The following UTRN variants were observed in gnomAD, a reference collection of about 807,000 sequenced individuals.
The protein encoded by UTRN is dystrophin-related protein 1.
UTRN carries 283 observed loss-of-function variants against 463.9 expected under a neutral mutation model. The observed-to-expected ratio is 0.61, with a 90% CI of 0.55 to 0.67. The LOEUF is 0.67. UTRN is among the 30% of genes least tolerant of loss of function. The pLI, the probability that UTRN is intolerant of heterozygous loss-of-function variation, is 0.00. For synonymous variants in UTRN, 1,442 were observed against 1,431.5 expected, an observed-to-expected ratio of 1.01 and a Z score of -0.17; for missense variants, 3,922 against 4,084.3, an observed-to-expected ratio of 0.96 and a Z score of 1.08.
At chr6:144,298,140 G>A (rs1804899658) in intron 2 of UTRN, among the ~76,000 whole-genome samples, 1 of 152,138 alleles carries the variant, frequency 6.6e-6, no homozygotes, top group Admixed American at 6.5e-5. Context: ...AAATTGTGTG[G>A]AGGCATAGAC....
chr6:144,834,759 A>C (rs890692532), intron 69 of UTRN, among the ~76,000 whole-genome samples: 9 of 152,302 alleles, frequency 5.9e-5, no homozygotes, highest in African/African-American at 2.2e-4. Flanking sequence ...TAACAGAAGA[A>C]GTCTCTAAGG....
chr6:144,514,793 G>T lies in UTRN; in HGVS notation c.5217G>T (p.Lys1739Asn). The change falls in exon 37 of 75, where the codon AAG (lysine) becomes AAT (asparagine). Residue 1739 changes from lysine (K) to asparagine (N), a missense_variant. Coordinates refer to ENST00000367545, the MANE Select transcript of UTRN (RefSeq NM_007124.3). ...KLAELNRNFE[K>N]VSQHIKSAKL... is the part of the protein sequence containing the mutation. ...CTGAGCTGAATAGGAACTTTGAAAA[G>T]GTGTCTCAACATATCAAAAGTGCCA... 6.2e-7 allele frequency: 1 copy of T among 1,613,810 alleles called. No homozygotes were observed. The highest frequency in any genetic ancestry group is 1.1e-5 in the South Asian group (1 of 91,000).
At position 144,755,658 on chromosome 6, in the gene UTRN, A is replaced by T. The variant is rs1036000202; in HGVS notation, c.8434+860A>T. On this transcript the variant is annotated intron_variant, in intron 57 of 74. Coordinates refer to ENST00000367545, the MANE Select transcript of UTRN (RefSeq NM_007124.3). The stretch of plus-strand genomic sequence containing the variant: ...AATAAATATTAATTCCTTTCCTTTC[A>T]TTTCCTTTAGCAAATATATGTAAGA... Among the ~76,000 whole-genome samples the T allele has an allele frequency of 2.0e-4, 31 of 152,068 alleles. 1 individual carries two copies. Among genetic ancestry groups the T allele is most frequent in the Non-Finnish European group, 4.0e-4 (27 of 68,004 alleles).
At chr6:144,459,460 T>C in intron 21 of UTRN, 106 bp downstream of exon 21, 4 of 1,258,752 alleles carry the variant, frequency 3.2e-6, no homozygotes, top group South Asian at 1.6e-5. Flanking sequence ...ACCAACCTTC[T>C]CCATTTTCCT....
At chr6:144,561,368 G>A (rs1446381834) in intron 50 of UTRN, among the ~76,000 whole-genome samples, 1 of 149,742 alleles carries the variant, frequency 6.7e-6, no homozygotes, top group Non-Finnish European at 1.5e-5. Context: ...ATAACTGTGT[G>A]TATAGACGTG....
At position 144,836,229 on chromosome 6, in the gene UTRN, A is replaced by C. The variant is rs868257814; in HGVS notation, c.9825-72A>C. Reference sequence around the variant, plus strand: ...AGGAACTAGCATGAGCTAAATTTGAACCTCACAGACGATTTTGGAGAGACG... The same window carrying C: ...AGGAACTAGCATGAGCTAAATTTGACCCTCACAGACGATTTTGGAGAGACG... On this transcript the variant is annotated intron_variant, in intron 70 of 74. Transcript: ENST00000367545. The C allele has an allele frequency of 8.4e-5, 134 of 1,595,148 alleles. No individual in the cohort carries two copies. The Middle Eastern group carries it at 3.4e-3, about 40-fold the overall frequency.
intron 3 of UTRN, among the ~76,000 whole-genome samples, chr6:144,406,030 A>G (rs183216316): frequency 1.2e-3 from 176 of 152,356 alleles, no homozygotes; most frequent in Non-Finnish European, 2.4e-3. Context: ...AATGAAAATT[A>G]TTTGTAAAGC....
chr6:144,499,791 C>T (rs1318779548), intron 34 of UTRN, among the ~76,000 whole-genome samples: 2 of 152,072 alleles, frequency 1.3e-5, no homozygotes, highest in African/African-American at 4.8e-5. Context: ...TACTAGTCCC[C>T]AGTGTTTATC....
intron 54 of UTRN, among the ~76,000 whole-genome samples, chr6:144,735,396 G>T (rs1789264550): frequency 6.6e-6 from 1 of 152,178 alleles, no homozygotes; most frequent in African/African-American, 2.4e-5. Context: ...GTATTTTGGG[G>T]AGTCAGTAGA....
rs1200935980 is a variant in UTRN at position 144,377,807 on chromosome 6, T to C, written c.80-25316T>C. ...TACACTGTGCTTCAGCATGCCCTTA[T>C]TAGTATTTCTTGGTTCTTCCATCAG... On this transcript the variant is annotated intron_variant, in intron 2 of 74. Transcript: ENST00000367545. 1.2e-4 allele frequency among the ~76,000 whole-genome samples: 18 copies of C among 152,210 alleles called. 1 individual carries two copies. In the East Asian group the frequency reaches 3.5e-3, roughly 29 times the overall value.
In UTRN at chr6:144,557,196, A is replaced by G; in HGVS notation, c.7174A>G (p.Met2392Val). The change falls in exon 50 of 75, where the codon ATG (methionine) becomes GTG (valine). Residue 2392 changes from methionine to valine, a missense_variant. Transcript: ENST00000367545. ...ACTGGGTCCTGGAGATGGTATCGTCATGGCGTTCGATAACGTCCTGCAGAA... is the reference window on the plus strand; with the variant it reads ...ACTGGGTCCTGGAGATGGTATCGTCGTGGCGTTCGATAACGTCCTGCAGAA... ...QELGPGDGIV[M>V]AFDNVLQKLL... 1 of 1,613,988 alleles carries G rather than the reference A, an allele frequency of 6.2e-7. No individual in the cohort carries two copies. Among genetic ancestry groups the G allele is most frequent in the Non-Finnish European group, 8.5e-7 (1 of 1,179,888 alleles).
Position 144,516,305 on chromosome 6 carries a change from A to T in UTRN, c.5321A>T (p.Asp1774Val). 6.2e-7 allele frequency: 1 copy of T among 1,613,892 alleles called. No individual in the cohort carries two copies. Among genetic ancestry groups the T allele is most frequent in the Non-Finnish European group, 8.5e-7 (1 of 1,179,940 alleles). The change falls in exon 38 of 75, where the codon GAC becomes GTC. Residue 1774 changes from aspartate to valine, a missense_variant. Around this residue, in one of 3 missense-constraint regions of UTRN, gnomAD observed 2,349 missense variants for 2,303.8 expected, o/e 1.02. Coordinates refer to ENST00000367545, the MANE Select transcript of UTRN (RefSeq NM_007124.3). ...ETFETGVPFS[D>V]LEKLENDIEN... ...TTTGAAACTGGTGTGCCTTTCTCTG[A>T]CTTGGAAAAATTAGAAAATGACATA...
chr6:144,751,207 C>T (rs1264130235), intron 55 of UTRN, among the ~76,000 whole-genome samples: 1 of 151,948 alleles, frequency 6.6e-6, no homozygotes, highest in East Asian at 1.9e-4. Context: ...AAAGAAAACA[C>T]GAATACAAAC....
At chr6:144,560,179 C>G (rs979528552) in intron 50 of UTRN, among the ~76,000 whole-genome samples, 3 of 152,132 alleles carry the variant, frequency 2.0e-5, no homozygotes, top group African/African-American at 7.2e-5. Context: ...AGGAATTACT[C>G]AAGACTACAC....
chr6:144,317,050 C>T (rs950434154), intron 2 of UTRN, among the ~76,000 whole-genome samples: 1 of 152,176 alleles, frequency 6.6e-6, no homozygotes, highest in African/African-American at 2.4e-5. Flanking sequence ...ATATTTGTCT[C>T]AAAGTGTCAT....
At chr6:144,657,622 G>T (rs897892385) in intron 51 of UTRN, among the ~76,000 whole-genome samples, 1 of 152,154 alleles carries the variant, frequency 6.6e-6, no homozygotes, top group Non-Finnish European at 1.5e-5. Flanking sequence ...AGATATGTGG[G>T]ACTCTAACAA....
intron 2 of UTRN, chr6:144,311,611 C>A (rs1296551183): frequency 3.3e-5 from 5 of 152,220 alleles, no homozygotes; most frequent in Admixed American, 3.3e-4. Flanking sequence ...GACTAGATGA[C>A]CTCACACTGA....
At chr6:144,564,946 A>G (rs995828658) in intron 50 of UTRN, among the ~76,000 whole-genome samples, 1 of 152,166 alleles carries the variant, frequency 6.6e-6, no homozygotes, top group African/African-American at 2.4e-5. Flanking sequence ...TAATGTGTAT[A>G]TATATTAAAA....
chr6:144,845,095 C>A (rs1781906770), intron 73 of UTRN, among the ~76,000 whole-genome samples: 1 of 152,168 alleles, frequency 6.6e-6, no homozygotes, highest in Non-Finnish European at 1.5e-5. Context: ...CCCAGTTGGT[C>A]CTGATAGCAT....
Sources: allele counts gnomAD v4.1 joint callset (sites outside exome capture counted in the v4.1 genomes callset), GRCh38; gene constraint gnomAD v4.1.1; regional missense constraint gnomAD v4.1.1; transcripts MANE v1.5; gene names NCBI Gene and HGNC (gene_info 2026-07-23, HGNC 2026-07-21).